Variants in ASB4 observed in about 807,000 individuals in gnomAD.
The protein encoded by ASB4 is ankyrin repeat and SOCS box containing 4, also known as ankyrin repeat and SOCS box protein 4.
Under a neutral mutation model 38.6 loss-of-function variants are expected in ASB4, and 35 were observed. That is an observed-to-expected ratio of 0.91 (90% CI 0.69 to 1.20). The LOEUF (loss-of-function observed/expected upper bound fraction) is 1.20. Among genes scored for constraint, ASB4 ranks in the 50% most tolerant of loss-of-function variants. ASB4 has a pLI of 0.00. For synonymous variants in ASB4, 195 were observed against 201.3 expected (o/e 0.97, Z 0.26); for missense variants, 557 against 527.2 (o/e 1.06, Z -0.55).
chr7:95,535,292 T>C (rs1353875485), intron 3 of ASB4, among the ~76,000 whole-genome samples: 1 of 152,232 alleles, frequency 6.6e-6, no homozygotes, highest in Non-Finnish European at 1.5e-5. Flanking sequence ...TTGAGGTTGA[T>C]ACGGTCTGGG....
chr7:95,501,854 G>C (rs1307648578), intron 2 of ASB4, among the ~76,000 whole-genome samples: 1 of 152,104 alleles, frequency 6.6e-6, no homozygotes, highest in African/African-American at 2.4e-5. Context: ...TAATGAATTA[G>C]GCTTATAAGA....
Position 95,536,584 on chromosome 7 carries a change from T to C in ASB4, c.1092+34T>C, listed in dbSNP as rs751212546. 2.7e-6 allele frequency: 4 copies of C among 1,479,202 alleles called. No homozygotes were observed. In the East Asian group the frequency reaches 9.1e-5, roughly 34 times the overall value. 91.6% of individuals were successfully genotyped at this position (1,479,202 alleles called of 1,614,324 possible). A position where few individuals can be genotyped will look rare whatever the true frequency, so the allele number is the denominator to read the frequency against. On this transcript the variant is annotated intron_variant, in intron 4 of 4. Transcript: ENST00000325885. ...TCGATTCCCTTCTAATAGTTTTCAC[T>C]ATCAAGTACTTCCAGACTGCTCTAG... is the stretch of plus-strand genomic sequence containing the variant.
chr7:95,549,414 A>G, the ASB4 span, among the ~76,000 whole-genome samples: 1 of 149,584 alleles, frequency 6.7e-6, no homozygotes, highest in African/African-American at 2.5e-5. Flanking sequence ...CTCCTGCCTC[A>G]GCCTCCCTAG....
At chr7:95,512,560 C>G (rs1790497488) in intron 2 of ASB4, among the ~76,000 whole-genome samples, 1 of 152,144 alleles carries the variant, frequency 6.6e-6, no homozygotes, top group South Asian at 2.1e-4. Flanking sequence ...CAGATTTCCT[C>G]AATATAAACT....
At chr7:95,513,249 GTTTGT>G (rs1790508344) in intron 2 of ASB4, among the ~76,000 whole-genome samples, 2 of 38,524 alleles carry the variant, frequency 5.2e-5, no homozygotes, top group Non-Finnish European at 9.9e-5. Flanking sequence ...TTTGTTTTTT[GTTTGT>G]TTTTTTTTTT....
downstream of ASB4, among the ~76,000 whole-genome samples, chr7:95,541,810 A>T (rs1183849250): frequency 6.6e-6 from 1 of 152,178 alleles, no homozygotes; most frequent in East Asian, 1.9e-4. Flanking sequence ...CAGGACATAG[A>T]TTAGCAATGA....
intron 2 of ASB4, among the ~76,000 whole-genome samples, chr7:95,498,042 A>G (rs1401009942): frequency 6.6e-6 from 1 of 152,200 alleles, no homozygotes; most frequent in Non-Finnish European, 1.5e-5. Context: ...ATAAATACCT[A>G]GGAGTGGGAT....
chr7:95,527,941 GC>G lies in ASB4; in HGVS notation c.619del (p.His207ThrfsTer64), dbSNP rs1562821050. On this transcript the variant is annotated frameshift_variant, in exon 3 of 5. Coordinates refer to ENST00000325885, the MANE Select transcript of ASB4 (RefSeq NM_016116.3). LOFTEE classifies it high-confidence loss of function. ...CGGGGCCATAGTGGACAGCGTGAAT[GC>G]CCACATGGAGACCCCCCTGGCCATC... ...EHGAIVDSVN[A>X]HMETPLAIAA... 5 of 1,614,140 alleles carry G rather than the reference GC, an allele frequency of 3.1e-6. No homozygotes were observed. The highest frequency in any genetic ancestry group is 2.7e-5 in the African/African-American group (2 of 75,044).
At chr7:95,551,239 C>T in the ASB4 span, among the ~76,000 whole-genome samples, 1 of 152,142 alleles carries the variant, frequency 6.6e-6, no homozygotes, top group South Asian at 2.1e-4. Context: ...GCTTGGCCTC[C>T]CTAAATGCTG....
chr7:95,537,739 C>T lies in ASB4; in HGVS notation c.1261C>T (p.Pro421Ser), dbSNP rs549154065. The change falls in exon 5 of 5, where the codon CCA becomes TCA. Residue 421 changes from proline to serine, a missense_variant. By Grantham distance (74) the Pro-to-Ser change is moderately conservative. Transcript: ENST00000325885. ...ATTGAAAAAGTACTTGCTTTTAGAG[C>T]CAGAGGGAATTATTTATTAAGCCTT... ...LSLKKYLLLE[P>S]EGIIY 2.5e-6 allele frequency: 4 copies of T among 1,613,382 alleles called. No homozygotes were observed. The African/African-American group carries it at 4.0e-5, about 16-fold the overall frequency.
intron 1 of ASB4, among the ~76,000 whole-genome samples, chr7:95,491,170 T>C (rs1214049177): frequency 6.6e-6 from 1 of 152,226 alleles, no homozygotes. Flanking sequence ...ACAGATTATG[T>C]ATCATGGTCA....
chr7:95,538,983 G>A lies in ASB4; in HGVS notation c.*1224G>A, dbSNP rs1429059608. The A allele has an allele frequency of 1.3e-5, 2 of 152,132 alleles. No homozygotes were observed. The allele number at this position is 152,132 out of a possible 1,614,324, so 9.4% of individuals were successfully genotyped here. On this transcript the variant is annotated 3_prime_UTR_variant, in exon 5 of 5. Transcript: ENST00000325885. ...TTGGGAAGATTAGTGTGTTAATCAGGCTTGCTAGTTAGTGGATTGCAGAAA... is the reference window on the plus strand; with the variant it reads ...TTGGGAAGATTAGTGTGTTAATCAGACTTGCTAGTTAGTGGATTGCAGAAA...
downstream of ASB4, among the ~76,000 whole-genome samples, chr7:95,544,860 A>C (rs1279767236): frequency 6.6e-6 from 1 of 151,816 alleles, no homozygotes; most frequent in African/African-American, 2.4e-5. Context: ...ACGCCCAGCT[A>C]ATTTTTCTAT....
At chr7:95,547,346 G>C in the ASB4 span, among the ~76,000 whole-genome samples, 1 of 152,098 alleles carries the variant, frequency 6.6e-6, no homozygotes, top group East Asian at 1.9e-4. Context: ...TATCACCATG[G>C]GTTAGGTTTA....
intron 2 of ASB4, among the ~76,000 whole-genome samples, chr7:95,517,324 A>G (rs1041269526): frequency 2.0e-5 from 3 of 152,162 alleles, no homozygotes; most frequent in African/African-American, 7.2e-5. Flanking sequence ...GTTAGCCACC[A>G]TGCCAGGTCT....
chr7:95,542,750 G>A (rs987492764), downstream of ASB4: 1 of 152,132 alleles, frequency 6.6e-6, no homozygotes, highest in African/African-American at 2.4e-5. Flanking sequence ...TGTTAAAAAA[G>A]CGACACTAAG....
At chr7:95,525,087 C>CA (rs1276613579) in intron 2 of ASB4, among the ~76,000 whole-genome samples, 5 of 152,096 alleles carry the variant, frequency 3.3e-5, no homozygotes, top group African/African-American at 1.2e-4. Context: ...GAGAAAATGC[C>CA]ATGTGAAGGT....
At chr7:95,544,862 T>C (rs1316990564), downstream of ASB4, among the ~76,000 whole-genome samples, 1 of 151,834 alleles carries the variant, frequency 6.6e-6, no homozygotes, top group East Asian at 1.9e-4. Context: ...GCCCAGCTAA[T>C]TTTTCTATTT....
At chr7:95,508,837 G>A (rs1409608720) in intron 2 of ASB4, among the ~76,000 whole-genome samples, 1 of 152,210 alleles carries the variant, frequency 6.6e-6, no homozygotes, top group Non-Finnish European at 1.5e-5. Context: ...AACACAGAGA[G>A]GGATCTGATG....
Sources: allele counts gnomAD v4.1 joint callset (sites outside exome capture counted in the v4.1 genomes callset), GRCh38; gene constraint gnomAD v4.1.1; transcripts MANE v1.5; gene names NCBI Gene and HGNC (gene_info 2026-07-23, HGNC 2026-07-21).